FHIT: variants seen among roughly 807,000 people sequenced by gnomAD.
FHIT encodes bis(5'-adenosyl)-triphosphatase.
In FHIT, 19 loss-of-function variants were observed where a neutral mutation model predicts 17.9. That is an observed-to-expected ratio of 1.06 (90% CI 0.74 to 1.56). FHIT has a LOEUF of 1.56. Ranked by LOEUF, FHIT falls within the 40% of genes most tolerant of loss-of-function variation. The pLI is 0.00. For missense variants in FHIT, 248 were observed against 189.2 expected (o/e 1.31, Z -1.82); for synonymous variants, 81 against 69.7 (o/e 1.16, Z -0.81).
At chr3:59,989,653 G>C (rs930599413) in intron 7 of FHIT, among the ~76,000 whole-genome samples, 9 of 152,016 alleles carry the variant, frequency 5.9e-5, no homozygotes, top group African/African-American at 2.2e-4. Flanking sequence ...ATCTCATTAT[G>C]TCCCTTCTAC....
At chr3:60,779,722 T>C (rs1404411443) in intron 4 of FHIT, among the ~76,000 whole-genome samples, 11 of 151,482 alleles carry the variant, frequency 7.3e-5, no homozygotes, top group Non-Finnish European at 1.5e-5. Flanking sequence ...AAGCTTCACA[T>C]CAAAGCCTTA....
chr3:59,879,784 T>A (rs1020941617), intron 8 of FHIT, among the ~76,000 whole-genome samples: 15 of 152,242 alleles, frequency 9.9e-5, no homozygotes, highest in African/African-American at 3.4e-4. Context: ...GGGTTCCTCA[T>A]ATAACATGAA....
chr3:60,122,334 T>G (rs1414355115), intron 5 of FHIT, among the ~76,000 whole-genome samples: 1 of 152,114 alleles, frequency 6.6e-6, no homozygotes, highest in African/African-American at 2.4e-5. Context: ...TTGTGGGAAA[T>G]GTAAAACAAA....
intron 7 of FHIT, among the ~76,000 whole-genome samples, chr3:59,995,191 G>C (rs929067949): frequency 4.6e-5 from 7 of 151,670 alleles, no homozygotes; most frequent in African/African-American, 1.7e-4. Context: ...AAAATCTGAT[G>C]TAGGCATTTA....
At position 60,556,626 on chromosome 3, in the gene FHIT, A is replaced by C. The variant is rs531497058; in HGVS notation, c.-17-19647T>G. ...AAGGTCACCCATTAGTGAAAACCCC[A>C]AAGCTCTTCTCAGTACAAGTGGTCA... is the stretch of plus-strand genomic sequence containing the variant. On this transcript the variant is annotated intron_variant, in intron 4 of 9. Transcript: ENST00000492590. 3.9e-5 allele frequency among the ~76,000 whole-genome samples: 6 copies of C among 152,346 alleles called. No homozygotes were observed. The South Asian group carries it at 1.2e-3, about 32-fold the overall frequency.
intron 5 of FHIT, among the ~76,000 whole-genome samples, chr3:60,116,617 C>G (rs1292440422): frequency 6.6e-6 from 1 of 152,140 alleles, no homozygotes; most frequent in East Asian, 1.9e-4. Context: ...CAAGAATGAA[C>G]TCTTCCTGGC....
chr3:60,345,973 G>GT (rs746443982), intron 5 of FHIT, among the ~76,000 whole-genome samples: 1 of 152,160 alleles, frequency 6.6e-6, no homozygotes. Context: ...ACTAAGGATA[G>GT]TTTTTCACCT....
At chr3:60,569,740 TATATATATATA>T (rs2037294508) in intron 4 of FHIT, among the ~76,000 whole-genome samples, 3 of 83,522 alleles carry the variant, frequency 3.6e-5, no homozygotes, top group Admixed American at 1.4e-4. Context: ...TATATATATA[TATATATATATA>T]TATATTTTTT....
At chr3:61,164,228 A>G (rs1429901195) in intron 2 of FHIT, among the ~76,000 whole-genome samples, 1 of 152,204 alleles carries the variant, frequency 6.6e-6, no homozygotes, top group African/African-American at 2.4e-5. Flanking sequence ...AAAGAGTCCT[A>G]AAATCCAAAA....
Position 60,945,947 on chromosome 3 carries a change from A to G in FHIT, c.-111+96100T>C, listed in dbSNP as rs566546297. 1.3e-4 allele frequency among the ~76,000 whole-genome samples: 20 copies of G among 152,324 alleles called. No individual in the cohort carries two copies. The Middle Eastern group carries it at 0.024, about 181-fold the overall frequency. The stretch of plus-strand genomic sequence containing the variant: ...GAACAGAGGATCCACTGCAGTCAGC[A>G]TAGTTGTGTGTCCTCCATCCATCCA... On this transcript the variant is annotated intron_variant, in intron 3 of 9. Coordinates refer to ENST00000492590, the MANE Select transcript of FHIT (RefSeq NM_002012.4).
intron 8 of FHIT, among the ~76,000 whole-genome samples, chr3:59,874,955 T>C (rs1703086424): frequency 6.6e-6 from 1 of 151,786 alleles, no homozygotes; most frequent in Non-Finnish European, 1.5e-5. Context: ...AAATCAAGAG[T>C]TTTTAGAAGC....
chr3:60,117,340 A>C (rs2107204468), intron 5 of FHIT, among the ~76,000 whole-genome samples: 1 of 152,268 alleles, frequency 6.6e-6, no homozygotes, highest in South Asian at 2.1e-4. Context: ...TGGAAGTTCA[A>C]ATTGCCTTTT....
chr3:60,198,967 T>C (rs575911800), intron 5 of FHIT, among the ~76,000 whole-genome samples: 1 of 152,294 alleles, frequency 6.6e-6, no homozygotes, highest in South Asian at 2.1e-4. Flanking sequence ...TAATGGGGAA[T>C]GTAGCAGTCT....
At chr3:61,207,266 T>C (rs2039273288) in intron 1 of FHIT, among the ~76,000 whole-genome samples, 1 of 152,164 alleles carries the variant, frequency 6.6e-6, no homozygotes, top group Admixed American at 6.5e-5. Flanking sequence ...TCAGGGATAT[T>C]GATCTAAAAT....
chr3:61,059,718 A>G (rs898145357), intron 2 of FHIT, among the ~76,000 whole-genome samples: 3 of 152,192 alleles, frequency 2.0e-5, no homozygotes, highest in African/African-American at 7.2e-5. Flanking sequence ...GAACAACCTG[A>G]ACACTTTGCA....
intron 5 of FHIT, among the ~76,000 whole-genome samples, chr3:60,143,234 T>C (rs919324427): frequency 6.6e-6 from 1 of 152,160 alleles, no homozygotes; most frequent in Admixed American, 6.5e-5. Flanking sequence ...TTAGCCCTCC[T>C]TGTATCCACA....
chr3:60,076,926 C>T (rs1703034211), intron 5 of FHIT, among the ~76,000 whole-genome samples: 1 of 151,934 alleles, frequency 6.6e-6, no homozygotes, highest in Admixed American at 6.6e-5. Context: ...CCAAGGAAAA[C>T]AATAACTGAA....
At chr3:61,006,383 C>T in intron 3 of FHIT, among the ~76,000 whole-genome samples, 1 of 152,070 alleles carries the variant, frequency 6.6e-6, no homozygotes. Context: ...AAAACAGCAA[C>T]ATCAATGACC....
chr3:60,335,875 C>A (rs1416956660), intron 5 of FHIT, among the ~76,000 whole-genome samples: 2 of 152,146 alleles, frequency 1.3e-5, no homozygotes, highest in Non-Finnish European at 2.9e-5. Context: ...TCCAAGTTAC[C>A]ACTAAGAAAA....
Sources: allele counts gnomAD v4.1 joint callset (sites outside exome capture counted in the v4.1 genomes callset), GRCh38; gene constraint gnomAD v4.1.1; transcripts MANE v1.5; gene names NCBI Gene and HGNC (gene_info 2026-07-23, HGNC 2026-07-21).